HSF5: variants seen among roughly 807,000 people sequenced by gnomAD.
The protein encoded by HSF5 is heat shock factor protein 5.
A neutral mutation model predicts 50.8 loss-of-function variants in HSF5; 5 were observed. The observed-to-expected ratio is 0.10, with a 90% CI of 0.05 to 0.21. The LOEUF (loss-of-function observed/expected upper bound fraction) is 0.21, where lower values mean the gene tolerates loss of function less well. Among genes scored for constraint, HSF5 ranks in the 10% least tolerant of loss-of-function variants. The pLI is 1.00. For missense variants in HSF5, 564 were observed against 762.6 expected (o/e 0.74, Z 3.07); for synonymous variants, 307 against 307.4 (o/e 1.00, Z 0.02).
chr17:58,487,976 C>T lies in HSF5; in HGVS notation c.299G>A (p.Gly100Asp), dbSNP rs1975214649. ...GAGCGGCCCATTGCCTGCCGGTTTG[C>T]CGCCCCCCGGCCCGCCCAGCACCAC... is the stretch of plus-strand genomic sequence containing the variant. ...RKVVLGGPGG[G>D]KPAGNGPLHH... The change falls in exon 1 of 6, where the codon GGC becomes GAC. Residue 100 changes from glycine (G) to aspartate (D), a missense_variant. Coordinates refer to ENST00000323777, the MANE Select transcript of HSF5 (RefSeq NM_001080439.3). The T allele has an allele frequency of 3.1e-6, 5 of 1,610,764 alleles. No individual in the cohort carries two copies. The highest frequency in any genetic ancestry group is 1.7e-5 in the Admixed American group (1 of 59,880).
At chr17:58,460,444 A>C (rs1441668734) in intron 4 of HSF5, among the ~76,000 whole-genome samples, 1 of 151,680 alleles carries the variant, frequency 6.6e-6, no homozygotes, top group East Asian at 1.9e-4. Context: ...TAATGAAATA[A>C]AAAGTTTAAA....
intron 5 of HSF5, among the ~76,000 whole-genome samples, chr17:58,442,062 T>C (rs150525351): frequency 4.0e-4 from 61 of 152,320 alleles, no homozygotes; most frequent in African/African-American, 1.4e-3. Flanking sequence ...GCCATAATTG[T>C]ATGGGTCTTT....
intron 5 of HSF5, among the ~76,000 whole-genome samples, chr17:58,425,507 T>G (rs1480345143): frequency 7.1e-6 from 1 of 141,804 alleles, no homozygotes; most frequent in Non-Finnish European, 1.5e-5. Context: ...GAGACTGCAG[T>G]GTCCTATGAT....
intron 5 of HSF5, among the ~76,000 whole-genome samples, chr17:58,445,307 C>T (rs1340122596): frequency 2.0e-5 from 3 of 152,104 alleles, no homozygotes; most frequent in African/African-American, 4.8e-5. Context: ...GAGCCAGGCG[C>T]GGTGGCACAC....
chr17:58,487,535 G>A (rs2143816939), intron 1 of HSF5, among the ~76,000 whole-genome samples, 190 bp downstream of exon 1: 2 of 152,354 alleles, frequency 1.3e-5, no homozygotes, highest in South Asian at 4.1e-4. Context: ...GGTGGCCACC[G>A]TGCTGGTGCC....
chr17:58,424,929 G>C (rs1313612207), intron 5 of HSF5, among the ~76,000 whole-genome samples: 1 of 152,194 alleles, frequency 6.6e-6, no homozygotes, highest in African/African-American at 2.4e-5. Flanking sequence ...AGCTGGAATA[G>C]TCAAATTCAG....
chr17:58,445,542 C>T (rs1293195449), intron 5 of HSF5, among the ~76,000 whole-genome samples: 1 of 152,104 alleles, frequency 6.6e-6, no homozygotes, highest in African/African-American at 2.4e-5. Context: ...TATGCACGTA[C>T]AAAGGAATAT....
intron 1 of HSF5, among the ~76,000 whole-genome samples, chr17:58,483,652 T>A (rs913723235): frequency 3.9e-4 from 59 of 152,356 alleles, no homozygotes; most frequent in Non-Finnish European, 1.8e-4. Context: ...TAAAAGATTA[T>A]CCACTTCTCA....
chr17:58,471,736 C>T (rs1396563932), intron 2 of HSF5, among the ~76,000 whole-genome samples: 1 of 151,796 alleles, frequency 6.6e-6, no homozygotes, highest in Non-Finnish European at 1.5e-5. Flanking sequence ...CAGGCATGAG[C>T]CACCATGCCT....
At chr17:58,457,033 C>A (rs1974720710) in intron 5 of HSF5, among the ~76,000 whole-genome samples, 1 of 147,068 alleles carries the variant, frequency 6.8e-6, no homozygotes, top group African/African-American at 2.5e-5. Context: ...CCGAGGCAGG[C>A]AGATCACCTG....
intron 5 of HSF5, among the ~76,000 whole-genome samples, chr17:58,430,660 C>T (rs1215406146): frequency 1.3e-5 from 2 of 152,180 alleles, no homozygotes; most frequent in Non-Finnish European, 2.9e-5. Flanking sequence ...GGACAAGTTA[C>T]ACCATTGGCT....
intron 5 of HSF5, among the ~76,000 whole-genome samples, chr17:58,439,148 A>T (rs1454208755): frequency 1.3e-5 from 2 of 151,796 alleles, no homozygotes; most frequent in East Asian, 3.9e-4. Flanking sequence ...AATAATAAAT[A>T]AAAAAAATTG....
intron 5 of HSF5, among the ~76,000 whole-genome samples, chr17:58,422,814 G>A (rs895954959): frequency 6.6e-6 from 1 of 150,936 alleles, no homozygotes; most frequent in Non-Finnish European, 1.5e-5. Context: ...TCCTGCCTCA[G>A]CCTCCCAAGT....
At chr17:58,486,236 G>A (rs181398645) in intron 1 of HSF5, among the ~76,000 whole-genome samples, 6 of 151,890 alleles carry the variant, frequency 4.0e-5, no homozygotes, top group East Asian at 1.9e-4. Flanking sequence ...ATGGTGGCAC[G>A]CGCCTGTATT....
intron 5 of HSF5, among the ~76,000 whole-genome samples, chr17:58,446,249 A>G (rs746574202): frequency 1.3e-5 from 2 of 152,056 alleles, no homozygotes; most frequent in African/African-American, 2.4e-5. Flanking sequence ...ATTCAAGAAA[A>G]CACCTTCACA....
intron 5 of HSF5, among the ~76,000 whole-genome samples, chr17:58,441,528 A>G (rs1341025694): frequency 6.6e-6 from 1 of 152,216 alleles, no homozygotes; most frequent in African/African-American, 2.4e-5. Flanking sequence ...GTAGAAATCA[A>G]TGAAATAGAA....
At chr17:58,429,902 TATATTTTCCTGTC>T (rs1273413898) in intron 5 of HSF5, among the ~76,000 whole-genome samples, 4 of 148,166 alleles carry the variant, frequency 2.7e-5, no homozygotes, top group African/African-American at 9.9e-5. Context: ...AAAAAAAAGG[TATATTTTCCTGTC>T]AATTTGAAAT....
At chr17:58,432,538 A>G (rs1359305331) in intron 5 of HSF5, among the ~76,000 whole-genome samples, 1 of 152,172 alleles carries the variant, frequency 6.6e-6, no homozygotes, top group Non-Finnish European at 1.5e-5. Context: ...CATTCTTGGT[A>G]TGCTTAAACA....
intron 2 of HSF5, among the ~76,000 whole-genome samples, chr17:58,467,708 T>A (rs2531730): frequency 2.6e-5 from 4 of 152,164 alleles, no homozygotes; most frequent in Non-Finnish European, 5.9e-5. Context: ...TGGTACACAG[T>A]AAGCAAACAG....
Sources: gnomAD v4.1 joint callset for allele counts (sites outside exome capture counted in the v4.1 genomes callset) on GRCh38, gnomAD v4.1.1 for gene constraint, MANE v1.5 for transcripts, NCBI Gene and HGNC (gene_info 2026-07-23, HGNC 2026-07-21) for gene names.